The following CNTN4 variants were observed in gnomAD, a reference collection of about 807,000 sequenced individuals.
CNTN4 encodes contactin-4.
A neutral mutation model predicts 122.5 loss-of-function variants in CNTN4; 77 were observed. The observed-to-expected ratio is 0.63, with a 90% CI of 0.52 to 0.76. CNTN4 has a LOEUF of 0.76. CNTN4 is among the 30% of genes least tolerant of loss of function. The pLI is 0.00. For missense variants in CNTN4, 1,256 were observed against 1,259.1 expected (o/e 1.00, Z 0.04); for synonymous variants, 512 against 447.0 (o/e 1.15, Z -1.83).
chr3:2,847,708 G>A (rs1164291370), intron 7 of CNTN4, among the ~76,000 whole-genome samples: 7 of 152,100 alleles, frequency 4.6e-5, no homozygotes, highest in Non-Finnish European at 5.9e-5. Flanking sequence ...TTGAATGCTC[G>A]TGCTCAGAGC....
chr3:2,792,879 A>G (rs2092056351), intron 6 of CNTN4, among the ~76,000 whole-genome samples: 1 of 152,224 alleles, frequency 6.6e-6, no homozygotes, highest in Admixed American at 6.5e-5. Flanking sequence ...ACACATTCTC[A>G]AATACCAGTA....
At chr3:2,434,083 A>G (rs184374649) in intron 3 of CNTN4, among the ~76,000 whole-genome samples, 38 of 152,282 alleles carry the variant, frequency 2.5e-4, no homozygotes, top group East Asian at 1.9e-4. Flanking sequence ...TTGGTGATCT[A>G]TTGCACAAAG....
At chr3:2,336,553 C>G (rs973650316) in intron 2 of CNTN4, among the ~76,000 whole-genome samples, 4 of 152,132 alleles carry the variant, frequency 2.6e-5, no homozygotes, top group Admixed American at 6.6e-5. Flanking sequence ...GAAAACTTAG[C>G]TTCAGTGGGC....
chr3:2,212,979 A>AT (rs111932173), intron 2 of CNTN4, among the ~76,000 whole-genome samples: 3,087 of 152,152 alleles, frequency 0.02, 100 homozygotes, highest in African/African-American at 0.071. Flanking sequence ...ATTAATGTGG[A>AT]TTTTTTTCCT....
intron 2 of CNTN4, among the ~76,000 whole-genome samples, chr3:2,125,615 G>A (rs150673452): frequency 1.2e-3 from 171 of 145,720 alleles, no homozygotes; most frequent in African/African-American, 4.0e-3. Context: ...CTGGAGTTCA[G>A]TGGCACCATC....
rs929767343 is a variant in CNTN4, at chr3:2,781,913, C to T, written c.358+36216C>T. Among the ~76,000 whole-genome samples the T allele has an allele frequency of 2.8e-4, 33 of 117,824 alleles. 2 individuals are homozygous for T. Among genetic ancestry groups the T allele is most frequent in the African/African-American group, 5.0e-4 (17 of 33,894 alleles). 77.3% of individuals were successfully genotyped at this position (117,824 alleles called of 152,430 possible). On this transcript the variant is annotated intron_variant, in intron 6 of 24. Transcript: ENST00000418658. ...TAATTTTTTGTATTTTTAGTAGAGA[C>T]GGGGCTTCACCGTGTTAGCCAGGAT...
chr3:2,099,452 C>G (rs1313857999), intron 1 of CNTN4: 1 of 152,548 alleles, frequency 6.6e-6, no homozygotes, highest in Non-Finnish European at 1.5e-5. Context: ...ACAGCCCAGT[C>G]ACAGCCCGCA....
At chr3:2,473,440 C>G (rs1362615349) in intron 3 of CNTN4, among the ~76,000 whole-genome samples, 1 of 152,076 alleles carries the variant, frequency 6.6e-6, no homozygotes, top group African/African-American at 2.4e-5. Context: ...GCAGTGTACT[C>G]CAATAATGTA....
chr3:2,130,238 C>A (rs539572752), intron 2 of CNTN4, among the ~76,000 whole-genome samples: 1 of 151,810 alleles, frequency 6.6e-6, no homozygotes, highest in African/African-American at 2.4e-5. Context: ...AAAATTTAAC[C>A]CTAAAGAAAG....
chr3:2,391,956 C>G (rs1438345677), intron 3 of CNTN4, among the ~76,000 whole-genome samples: 1 of 152,178 alleles, frequency 6.6e-6, no homozygotes, highest in African/African-American at 2.4e-5. Flanking sequence ...GCATAAAGCA[C>G]TGAGGGTGAG....
At chr3:2,837,914 A>T (rs1192977993) in intron 7 of CNTN4, among the ~76,000 whole-genome samples, 1 of 152,202 alleles carries the variant, frequency 6.6e-6, no homozygotes, top group African/African-American at 2.4e-5. Flanking sequence ...ACAAAGTCCC[A>T]TGTACCCAGC....
intron 10 of CNTN4, among the ~76,000 whole-genome samples, chr3:2,897,333 C>G (rs1288432039): frequency 1.3e-5 from 2 of 151,790 alleles, no homozygotes; most frequent in Non-Finnish European, 1.5e-5. Context: ...TAGAAGAATT[C>G]TTTTGTTTCA....
At chr3:2,437,748 C>T (rs1047200731) in intron 3 of CNTN4, among the ~76,000 whole-genome samples, 1 of 152,192 alleles carries the variant, frequency 6.6e-6, no homozygotes, top group Non-Finnish European at 1.5e-5. Context: ...CTTTGAAAAA[C>T]TCTGAAGCGT....
chr3:2,429,440 G>C (rs1280757883), intron 3 of CNTN4, among the ~76,000 whole-genome samples: 2 of 152,160 alleles, frequency 1.3e-5, no homozygotes, highest in Non-Finnish European at 2.9e-5. Flanking sequence ...CGTTCCTCTG[G>C]AAGCTTCGTC....
intron 6 of CNTN4, among the ~76,000 whole-genome samples, chr3:2,754,766 A>G (rs6766865): frequency 0.035 from 5,336 of 151,974 alleles, 299 homozygotes; most frequent in African/African-American, 0.12. Context: ...AAAGAAAAGA[A>G]AAAATTTTAA....
intron 6 of CNTN4, among the ~76,000 whole-genome samples, chr3:2,787,767 C>T (rs1217635214): frequency 6.7e-6 from 1 of 150,368 alleles, no homozygotes; most frequent in East Asian, 2.0e-4. Flanking sequence ...ATCACACAGT[C>T]CTGCCATATT....
intron 6 of CNTN4, among the ~76,000 whole-genome samples, chr3:2,752,416 A>G (rs987663954): frequency 1.3e-5 from 2 of 152,190 alleles, no homozygotes; most frequent in East Asian, 3.9e-4. Flanking sequence ...CCCAGGCTGC[A>G]GTGCAGTGGC....
Position 2,951,057 on chromosome 3 carries a change from A to C in CNTN4, c.1358+25278A>C, listed in dbSNP as rs1450745494. On this transcript the variant is annotated intron_variant, in intron 13 of 24. Coordinates refer to ENST00000418658, the MANE Select transcript of CNTN4 (RefSeq NM_175607.3). ...CCCCATCTGTTCAATGGTGATAATAATGGTAACCATCTTAGAAAGGGTTAT... is the reference window on the plus strand; with the variant it reads ...CCCCATCTGTTCAATGGTGATAATACTGGTAACCATCTTAGAAAGGGTTAT... Among the ~76,000 whole-genome samples the C allele has an allele frequency of 2.0e-5, 3 of 152,214 alleles. No homozygotes were observed. In the East Asian group the frequency reaches 5.8e-4, roughly 29 times the overall value.
At position 2,164,582 on chromosome 3, in the gene CNTN4, A is replaced by T. The variant is rs946050698; in HGVS notation, c.-145+63943A>T. Among the ~76,000 whole-genome samples the T allele has an allele frequency of 3.3e-5, 5 of 152,204 alleles. 1 individual carries two copies. Among genetic ancestry groups the T allele is most frequent in the Admixed American group, 3.3e-4 (5 of 15,282 alleles). On this transcript the variant is annotated intron_variant, in intron 2 of 24. Coordinates refer to ENST00000418658, the MANE Select transcript of CNTN4 (RefSeq NM_175607.3). The stretch of plus-strand genomic sequence containing the variant: ...AAACTTTTAGACATACCATGATGGA[A>T]TTTTGAATTCCAAGGTAAAGAGAAA...
Sources: gnomAD v4.1 joint callset for allele counts (sites outside exome capture counted in the v4.1 genomes callset) on GRCh38, gnomAD v4.1.1 for gene constraint, MANE v1.5 for transcripts, NCBI Gene and HGNC (gene_info 2026-07-23, HGNC 2026-07-21) for gene names.